Variants in PTPRD observed in about 807,000 individuals in gnomAD.
PTPRD encodes receptor-type tyrosine-protein phosphatase delta.
PTPRD carries 34 observed loss-of-function variants against 214.5 expected under a neutral mutation model. The ratio of observed to expected loss-of-function variants is 0.16; its 90% CI spans 0.12 to 0.21. PTPRD has a LOEUF of 0.21. PTPRD is among the 10% of genes least tolerant of loss of function. The probability of loss-of-function intolerance (pLI) is 1.00; values close to 1 mark genes in which losing one functional copy is unlikely to be tolerated. For missense variants in PTPRD, 2,545 were observed against 2,398.7 expected (o/e 1.06, Z -1.27); for synonymous variants, 1,128 against 845.7 (o/e 1.33, Z -5.79).
chr9:9,179,078 T>C (rs1200432830), intron 10 of PTPRD, among the ~76,000 whole-genome samples: 1 of 152,120 alleles, frequency 6.6e-6, no homozygotes, highest in African/African-American at 2.4e-5. Flanking sequence ...AAACTAGTGC[T>C]ACTCAGAACT....
At chr9:9,891,962 GGCTAA>G (rs1213382586) in intron 5 of PTPRD, among the ~76,000 whole-genome samples, 1 of 151,974 alleles carries the variant, frequency 6.6e-6, no homozygotes, top group African/African-American at 2.4e-5. Context: ...CATGTTCCAA[GGCTAA>G]GCTAGAAAAC....
intron 2 of PTPRD, among the ~76,000 whole-genome samples, chr9:10,598,697 T>TGTGTG (rs1555602846): frequency 2.1e-5 from 2 of 96,672 alleles, no homozygotes; most frequent in Admixed American, 1.4e-4. Flanking sequence ...TGTGTGTGTG[T>TGTGTG]GTGTGTGGTG....
intron 12 of PTPRD, among the ~76,000 whole-genome samples, chr9:8,706,821 G>C (rs2154400352): frequency 6.6e-6 from 1 of 152,280 alleles, no homozygotes; most frequent in South Asian, 2.1e-4. Flanking sequence ...AGCCAGGTTG[G>C]GATTGCTTCC....
chr9:9,966,406 A>G (rs2094703120), intron 4 of PTPRD, among the ~76,000 whole-genome samples: 1 of 152,138 alleles, frequency 6.6e-6, no homozygotes, highest in Non-Finnish European at 1.5e-5. Context: ...AACTGTTTCT[A>G]AGGTAGGCGT....
At chr9:10,560,131 C>G (rs1374872154) in intron 2 of PTPRD, among the ~76,000 whole-genome samples, 1 of 152,074 alleles carries the variant, frequency 6.6e-6, no homozygotes, top group Non-Finnish European at 1.5e-5. Context: ...CGGCACTATT[C>G]ACAATAGCAA....
At chr9:10,438,415 T>C (rs779738690) in intron 2 of PTPRD, among the ~76,000 whole-genome samples, 2 of 151,674 alleles carry the variant, frequency 1.3e-5, no homozygotes, top group African/African-American at 2.4e-5. Context: ...CCATTGTAAA[T>C]AGAGGAGCAT....
At chr9:10,516,239 CTT>C (rs1008261500) in intron 2 of PTPRD, among the ~76,000 whole-genome samples, 1 of 151,774 alleles carries the variant, frequency 6.6e-6, no homozygotes, top group East Asian at 1.9e-4. Flanking sequence ...CAACACTTGT[CTT>C]TTTTTAAAAA....
At chr9:9,176,285 A>C (rs2099924812) in intron 10 of PTPRD, among the ~76,000 whole-genome samples, 1 of 152,200 alleles carries the variant, frequency 6.6e-6, no homozygotes, top group South Asian at 2.1e-4. Flanking sequence ...AGAAAGAGGT[A>C]TCTAACTTTT....
chr9:9,594,320 T>C (rs1270691992), intron 7 of PTPRD, among the ~76,000 whole-genome samples: 4 of 152,066 alleles, frequency 2.6e-5, no homozygotes, highest in African/African-American at 9.7e-5. Flanking sequence ...CATTTGCTTT[T>C]GGGTTCTTGG....
chr9:8,659,924 G>A (rs1423288368), intron 12 of PTPRD, among the ~76,000 whole-genome samples: 2 of 152,050 alleles, frequency 1.3e-5, no homozygotes, highest in Admixed American at 1.3e-4. Context: ...AAGAATAAAT[G>A]TAGAGAGAGA....
At chr9:9,281,364 T>G (rs750032275) in intron 9 of PTPRD, among the ~76,000 whole-genome samples, 7 of 151,268 alleles carry the variant, frequency 4.6e-5, no homozygotes, top group Non-Finnish European at 7.4e-5. Flanking sequence ...AAAAGACTGT[T>G]ATTCAAAATA....
chr9:10,431,065 T>C (rs1482853836), intron 2 of PTPRD, among the ~76,000 whole-genome samples: 1 of 152,012 alleles, frequency 6.6e-6, no homozygotes, highest in Non-Finnish European at 1.5e-5. Flanking sequence ...CAGAGAATAA[T>C]ACTTGAAATC....
chr9:9,980,950 A>G (rs2095523512), intron 4 of PTPRD, among the ~76,000 whole-genome samples: 2 of 152,178 alleles, frequency 1.3e-5, no homozygotes, highest in Admixed American at 6.5e-5. Context: ...TCTGGTAAGA[A>G]TATCCATCTG....
At chr9:10,331,884 T>G (rs927402619) in intron 3 of PTPRD, among the ~76,000 whole-genome samples, 1 of 151,874 alleles carries the variant, frequency 6.6e-6, no homozygotes, top group East Asian at 1.9e-4. Context: ...ATAAGGTATG[T>G]GGTCATTCAT....
intron 11 of PTPRD, among the ~76,000 whole-genome samples, chr9:8,917,365 T>C (rs910075435): frequency 4.6e-5 from 7 of 151,618 alleles, no homozygotes; most frequent in Non-Finnish European, 8.8e-5. Context: ...CTCCAACTCC[T>C]GACCTCTGGT....
At chr9:9,901,278 A>C (rs2076337297) in intron 5 of PTPRD, among the ~76,000 whole-genome samples, 1 of 152,178 alleles carries the variant, frequency 6.6e-6, no homozygotes, top group African/African-American at 2.4e-5. Context: ...ATTATAAAAC[A>C]ATTTTCAGAG....
At chr9:9,286,498 T>A (rs1305056041) in intron 9 of PTPRD, among the ~76,000 whole-genome samples, 1 of 151,812 alleles carries the variant, frequency 6.6e-6, no homozygotes, top group Non-Finnish European at 1.5e-5. Context: ...ATAATGTCCA[T>A]TCACAACTCT....
intron 3 of PTPRD, among the ~76,000 whole-genome samples, chr9:10,316,151 ATATATG>A (rs1357575141): frequency 7.2e-6 from 1 of 139,280 alleles, no homozygotes; most frequent in Non-Finnish European, 1.5e-5. Context: ...ATACATATGT[ATATATG>A]TATATCTATG....
chr9:10,420,992 T>C (rs2098540333), intron 2 of PTPRD, among the ~76,000 whole-genome samples: 1 of 151,828 alleles, frequency 6.6e-6, no homozygotes, highest in African/African-American at 2.4e-5. Context: ...TCATTTGGCT[T>C]CCCTGGGCCA....
Sources: allele counts gnomAD v4.1 joint callset (sites outside exome capture counted in the v4.1 genomes callset), GRCh38; gene constraint gnomAD v4.1.1; transcripts MANE v1.5; gene names NCBI Gene and HGNC (gene_info 2026-07-23, HGNC 2026-07-21).